TRIM62: variants seen among roughly 807,000 people sequenced by gnomAD.
TRIM62 encodes the protein E3 ubiquitin-protein ligase TRIM62.
A neutral mutation model predicts 44.2 loss-of-function variants in TRIM62; 39 were observed. That is an observed-to-expected ratio of 0.88 (90% CI 0.68 to 1.15). The LOEUF (loss-of-function observed/expected upper bound fraction) is 1.15. Ranked by LOEUF, TRIM62 falls within the 50% of genes most tolerant of loss-of-function variation. The pLI, the probability that TRIM62 is intolerant of heterozygous loss-of-function variation, is 0.00. For missense variants in TRIM62, 544 were observed against 665.5 expected (o/e 0.82, Z 2.01); for synonymous variants, 278 against 292.3 (o/e 0.95, Z 0.50).
chr1:33,168,338 C>A (rs1645346821), intron 1 of TRIM62, among the ~76,000 whole-genome samples: 1 of 152,198 alleles, frequency 6.6e-6, no homozygotes, highest in African/African-American at 2.4e-5. Flanking sequence ...GGCTGCCACA[C>A]CATCGGTTTA....
intron 4 of TRIM62, among the ~76,000 whole-genome samples, chr1:33,150,951 C>T (rs1424187526): frequency 1.3e-5 from 2 of 152,106 alleles, no homozygotes; most frequent in Admixed American, 6.5e-5. Context: ...ATATCTAAGG[C>T]GCCTGGGTGA....
chr1:33,176,401 T>G, intron 1 of TRIM62: 1 of 696,034 alleles, frequency 1.4e-6, no homozygotes, highest in South Asian at 1.5e-5. Context: ...CACCATACCC[T>G]GCCTACCAGG....
intron 1 of TRIM62, among the ~76,000 whole-genome samples, chr1:33,169,511 A>G (rs1005914740): frequency 1.3e-5 from 2 of 152,212 alleles, no homozygotes; most frequent in East Asian, 3.8e-4. Flanking sequence ...TCTAAAGGGC[A>G]GATGTATAAA....
rs553341060 is a variant in TRIM62, at chr1:33,178,472, C to T, written c.408+2553G>A. 3.9e-5 allele frequency among the ~76,000 whole-genome samples: 6 copies of T among 152,316 alleles called. 1 individual carries two copies. The highest frequency in any genetic ancestry group is 1.9e-4 in the East Asian group (1 of 5,188). ...ACACACTAAAGCAAGGCCTCCTTCT[C>T]GGGCCAGAGAGGAGAGTCTGGGCAT... On this transcript the variant is annotated intron_variant, in intron 1 of 4. Transcript: ENST00000291416.
rs1268291304 is a variant in TRIM62 at position 33,174,941 on chromosome 1, GTGTGTATA to G, written c.408+6076_408+6083del. Among the ~76,000 whole-genome samples, 3 of 23,932 alleles carry G rather than the reference GTGTGTATA, an allele frequency of 1.3e-4. No individual in the cohort carries two copies. In the Admixed American group the frequency reaches 1.6e-3, roughly 13 times the overall value. 15.7% of individuals were successfully genotyped at this position (23,932 alleles called of 152,430 possible). A position where few individuals can be genotyped will look rare whatever the true frequency, so the allele number is the denominator to read the frequency against. On this transcript the variant is annotated intron_variant, in intron 1 of 4. Transcript: ENST00000291416. ...TATACACACACACACATACATATAT[GTGTGTATA>G]TATATATATATATATATATACACAC...
In TRIM62 at chr1:33,177,757, A is replaced by C. The variant is rs536326641; in HGVS notation, c.408+3268T>G. On this transcript the variant is annotated intron_variant, in intron 1 of 4. Transcript: ENST00000291416. This position sits in a 1 kb window ranked among gnomAD's most constrained non-coding sequence, Gnocchi z 4.1. The stretch of plus-strand genomic sequence containing the variant: ...TATAACACACAAGATGGCCCTGCAC[A>C]ACAGTTATCTAGCCCCAAATGTCAA... Among the ~76,000 whole-genome samples, 2 of 152,304 alleles carry C rather than the reference A, an allele frequency of 1.3e-5. No individual in the cohort carries two copies. The highest frequency in any genetic ancestry group is 4.1e-4 in the South Asian group (2 of 4,826).
intron 1 of TRIM62, among the ~76,000 whole-genome samples, chr1:33,174,049 C>T (rs1228595269): frequency 6.6e-6 from 1 of 152,036 alleles, no homozygotes; most frequent in Non-Finnish European, 1.5e-5. Flanking sequence ...ACATATATAC[C>T]TTATCATCTT....
intron 4 of TRIM62, among the ~76,000 whole-genome samples, chr1:33,155,047 C>A (rs1419160774): frequency 1.4e-5 from 2 of 142,932 alleles, no homozygotes; most frequent in Non-Finnish European, 3.1e-5. Flanking sequence ...GAGCCGAGAT[C>A]GCGCCACTGC....
rs1351851155 is a variant in TRIM62 at position 33,181,296 on chromosome 1, C to T, written c.137G>A (p.Gly46Asp). ...CCGGCACTCGGGGCAGTCGCGGGCG[C>T]CCTGCGCCTCCTGCCGCACCCAGTG... ...TEHWVRQEAQ[G>D]ARDCPECRRT... Residue 46 changes from glycine to aspartate, a missense_variant, in exon 1 of 5, where the codon GGC becomes GAC. Transcript: ENST00000291416. The surrounding 1 kb of genome is among the most constrained non-coding windows in gnomAD (Gnocchi z 6.5). 5 of 1,553,226 alleles carry T rather than the reference C, an allele frequency of 3.2e-6. No individual in the cohort carries two copies. Among genetic ancestry groups the T allele is most frequent in the African/African-American group, 1.4e-5 (1 of 73,642 alleles).
At position 33,147,357 on chromosome 1, in the gene TRIM62, CA is replaced by C. The variant is rs776011218; in HGVS notation, c.1247del (p.Val416GlyfsTer118). On this transcript the variant is annotated frameshift_variant, in exon 5 of 5. Transcript: ENST00000291416. LOFTEE classifies it high-confidence loss of function. The surrounding 1 kb of genome is among the most constrained non-coding windows in gnomAD (Gnocchi z 8.1). ...CTTGGTCATAGTCCAGGAAGACACC[CA>C]CCTTGTCAAGCTTGTCCCGGACGTT... ...RLNVRDKLDKVGVFLDYDQGL... is the reference protein window; with the variant it reads ...RLNVRDKLDKXGVFLDYDQGL... The C allele has an allele frequency of 4.0e-5, 64 of 1,614,096 alleles. No individual in the cohort carries two copies. Among genetic ancestry groups the C allele is most frequent in the Non-Finnish European group, 5.3e-5 (63 of 1,180,044 alleles).
intron 2 of TRIM62, among the ~76,000 whole-genome samples, chr1:33,162,236 C>T (rs1372806542): frequency 1.3e-5 from 2 of 152,146 alleles, no homozygotes; most frequent in Non-Finnish European, 2.9e-5. Flanking sequence ...CATTCAAGGA[C>T]CTTCTCAATT....
chr1:33,171,128 C>T (rs1645371587), intron 1 of TRIM62, among the ~76,000 whole-genome samples: 1 of 152,206 alleles, frequency 6.6e-6, no homozygotes, highest in Non-Finnish European at 1.5e-5. Context: ...AAGGGACTGA[C>T]TGGCCCACGG....
chr1:33,150,805 C>G (rs1645085890), intron 4 of TRIM62, among the ~76,000 whole-genome samples: 1 of 152,060 alleles, frequency 6.6e-6, no homozygotes, highest in Non-Finnish European at 1.5e-5. Flanking sequence ...GGAACCTAAT[C>G]AGACATAGGT....
intron 4 of TRIM62, among the ~76,000 whole-genome samples, chr1:33,153,429 A>G (rs1570295469): frequency 6.6e-6 from 1 of 152,340 alleles, no homozygotes; most frequent in East Asian, 1.9e-4. Context: ...TCCCAGGGAC[A>G]TCTGGCAAAG....
chr1:33,166,360 A>G (rs1336191008), intron 1 of TRIM62: 1 of 152,044 alleles, frequency 6.6e-6, no homozygotes, highest in Admixed American at 6.5e-5. Flanking sequence ...TTGTGGAAAA[A>G]TTGTCTTCCA....
intron 4 of TRIM62, among the ~76,000 whole-genome samples, chr1:33,152,426 G>A (rs1263987475): frequency 1.3e-5 from 2 of 152,180 alleles, no homozygotes; most frequent in African/African-American, 2.4e-5. Flanking sequence ...AATTAGCGGC[G>A]CATGGTGGCA....
intron 1 of TRIM62, among the ~76,000 whole-genome samples, chr1:33,168,866 C>G (rs1178826199): frequency 6.6e-6 from 1 of 152,204 alleles, no homozygotes; most frequent in East Asian, 1.9e-4. Flanking sequence ...ACAGAAGACC[C>G]AGCCACCCAG....
intron 1 of TRIM62, chr1:33,166,244 A>G (rs1349191950): frequency 6.6e-6 from 1 of 152,280 alleles, no homozygotes; most frequent in South Asian, 2.1e-4. Flanking sequence ...TTGTGTAATT[A>G]TTCCATTATA....
At chr1:33,178,727 G>A (rs1371739617) in intron 1 of TRIM62, among the ~76,000 whole-genome samples, 1 of 152,224 alleles carries the variant, frequency 6.6e-6, no homozygotes, top group Admixed American at 6.5e-5. Context: ...AGCAGGTTTG[G>A]AACCCAAGTA....
Sources: gnomAD v4.1 joint callset for allele counts (sites outside exome capture counted in the v4.1 genomes callset) on GRCh38, gnomAD v4.1.1 for gene constraint, Gnocchi (gnomAD v3.1) non-coding constraint, MANE v1.5 for transcripts, NCBI Gene and HGNC (gene_info 2026-07-23, HGNC 2026-07-21) for gene names.